The following IQCM variants were observed in gnomAD, a reference collection of about 807,000 sequenced individuals.
The protein encoded by IQCM is IQ domain-containing protein M.
In IQCM, 45 loss-of-function variants were observed where a neutral mutation model predicts 57.6. That is an observed-to-expected ratio of 0.78 (90% CI 0.62 to 1.00). The LOEUF (loss-of-function observed/expected upper bound fraction) is 1.00. Among genes scored for constraint, IQCM ranks in the 50% least tolerant of loss-of-function variants. The pLI, the probability that IQCM is intolerant of heterozygous loss-of-function variation, is 0.00. For synonymous variants in IQCM, 148 were observed against 158.9 expected, an observed-to-expected ratio of 0.93 and a Z score of 0.51; for missense variants, 468 against 511.6, an observed-to-expected ratio of 0.91 and a Z score of 0.82.
intron 3 of IQCM, among the ~76,000 whole-genome samples, chr4:149,741,408 G>A (rs1446510154): frequency 1.3e-5 from 2 of 152,164 alleles, no homozygotes; most frequent in Non-Finnish European, 2.9e-5. Flanking sequence ...GAGATGTAGG[G>A]AAATGCCAGG....
intron 2 of IQCM, among the ~76,000 whole-genome samples, chr4:149,809,734 TGA>T (rs1327708574): frequency 6.6e-6 from 1 of 152,176 alleles, no homozygotes; most frequent in Admixed American, 6.5e-5. Flanking sequence ...AAATGATGCA[TGA>T]GAGGCATTAC....
intron 5 of IQCM, among the ~76,000 whole-genome samples, chr4:149,721,200 T>C (rs1765420882): frequency 6.6e-6 from 1 of 152,174 alleles, no homozygotes; most frequent in South Asian, 2.1e-4. Context: ...CTGTATTAGG[T>C]ATCATAAGTA....
intron 9 of IQCM, among the ~76,000 whole-genome samples, chr4:149,573,092 T>G (rs1345300165): frequency 4.6e-5 from 7 of 151,948 alleles, no homozygotes; most frequent in Admixed American, 4.6e-4. Context: ...AGCCAATCAA[T>G]AGACAATTAT....
At chr4:149,435,064 G>A (rs1042058670) in intron 12 of IQCM, among the ~76,000 whole-genome samples, 36 of 152,136 alleles carry the variant, frequency 2.4e-4, no homozygotes, top group African/African-American at 8.7e-4. Flanking sequence ...CTTTCCTCAG[G>A]TGCTCTGCCT....
chr4:149,557,632 A>T (rs929272215), intron 10 of IQCM, among the ~76,000 whole-genome samples: 1 of 152,186 alleles, frequency 6.6e-6, no homozygotes, highest in African/African-American at 2.4e-5. Flanking sequence ...CACAGGAAGA[A>T]AAAACAATTA....
intron 12 of IQCM, among the ~76,000 whole-genome samples, chr4:149,540,097 G>A (rs866686176): frequency 6.6e-6 from 1 of 151,694 alleles, no homozygotes; most frequent in South Asian, 2.1e-4. Flanking sequence ...ACTTCAACAC[G>A]ACAGGAGTCC....
intron 7 of IQCM, among the ~76,000 whole-genome samples, chr4:149,634,215 G>A (rs147453522): frequency 0.015 from 2,244 of 152,064 alleles, 66 homozygotes; most frequent in African/African-American, 0.052. Context: ...TCACCATGTT[G>A]GCTAGCTGGT....
At chr4:149,633,838 G>A (rs1026623515) in intron 7 of IQCM, among the ~76,000 whole-genome samples, 17 of 152,008 alleles carry the variant, frequency 1.1e-4, no homozygotes, top group Admixed American at 2.0e-4. Context: ...CAAAAGTATG[G>A]GCAACTTTCA....
intron 8 of IQCM, among the ~76,000 whole-genome samples, chr4:149,616,407 G>A (rs1315784634): frequency 1.3e-5 from 2 of 152,118 alleles, no homozygotes; most frequent in Non-Finnish European, 2.9e-5. Flanking sequence ...ACAGAAAGTA[G>A]AATGGTGGTT....
In IQCM at chr4:149,588,002, A is replaced by T. The variant is rs543359330; in HGVS notation, c.682-5T>A. 8 of 1,208,178 alleles carry T rather than the reference A, an allele frequency of 6.6e-6. No individual in the cohort carries two copies. In the African/African-American group the frequency reaches 1.3e-4, roughly 19 times the overall value. 74.8% of individuals were successfully genotyped at this position (1,208,178 alleles called of 1,614,324 possible). A position where few individuals can be genotyped will look rare whatever the true frequency, so the allele number is the denominator to read the frequency against. On this transcript the variant is annotated splice_region_variant and splice_polypyrimidine_tract_variant and intron_variant, in intron 8 of 13. Transcript: ENST00000636793. ...AATAAGGGTTTTAAAGGTTTTCTAT[A>T]ATAAGGAAAAGAAGAGTTGACATAA...
At chr4:149,769,242 GTCC>G (rs553689325) in intron 2 of IQCM, among the ~76,000 whole-genome samples, 4 of 152,058 alleles carry the variant, frequency 2.6e-5, no homozygotes, top group African/African-American at 7.2e-5. Flanking sequence ...ATGAATTCAA[GTCC>G]TCCTGAACAC....
intron 12 of IQCM, among the ~76,000 whole-genome samples, chr4:149,480,069 A>C (rs1740613702): frequency 6.6e-6 from 1 of 152,172 alleles, no homozygotes; most frequent in African/African-American, 2.4e-5. Flanking sequence ...TGACATGTAA[A>C]ATGTTTTCTC....
At chr4:149,442,666 C>T in intron 12 of IQCM, among the ~76,000 whole-genome samples, 1 of 151,970 alleles carries the variant, frequency 6.6e-6, no homozygotes, top group East Asian at 1.9e-4. Context: ...TTTCTACTAA[C>T]AGTCTGTTTA....
intron 13 of IQCM, among the ~76,000 whole-genome samples, chr4:149,353,196 A>G (rs193200385): frequency 6.6e-4 from 100 of 152,342 alleles, no homozygotes; most frequent in Middle Eastern, 3.4e-3. Context: ...ACTCAACATC[A>G]TTAATCATCA....
At chr4:149,405,923 T>G (rs970696119) in intron 13 of IQCM, among the ~76,000 whole-genome samples, 7 of 147,886 alleles carry the variant, frequency 4.7e-5, no homozygotes, top group Non-Finnish European at 8.9e-5. Flanking sequence ...TCTCCATATA[T>G]GTAAATATAT....
intron 12 of IQCM, among the ~76,000 whole-genome samples, chr4:149,486,289 C>A (rs184255949): frequency 2.6e-5 from 4 of 152,194 alleles, no homozygotes; most frequent in Admixed American, 2.0e-4. Context: ...AGCTTGGAAT[C>A]AAAAACCTTA....
chr4:149,572,645 A>G (rs1446279332), intron 9 of IQCM, among the ~76,000 whole-genome samples: 1 of 152,030 alleles, frequency 6.6e-6, no homozygotes, highest in Non-Finnish European at 1.5e-5. Flanking sequence ...TATTTTTGTG[A>G]GAACCACACA....
intron 8 of IQCM, among the ~76,000 whole-genome samples, chr4:149,604,761 C>T (rs947029535): frequency 6.6e-6 from 1 of 152,054 alleles, no homozygotes; most frequent in Admixed American, 6.6e-5. Flanking sequence ...AGATGTTTGC[C>T]TTATTTGGCT....
At chr4:149,731,622 A>C (rs1207814069) in intron 5 of IQCM, among the ~76,000 whole-genome samples, 1 of 152,146 alleles carries the variant, frequency 6.6e-6, no homozygotes, top group African/African-American at 2.4e-5. Context: ...TTTTTCAAAA[A>C]CCAGTTAATT....
Sources: gnomAD v4.1 joint callset for allele counts (sites outside exome capture counted in the v4.1 genomes callset) on GRCh38, gnomAD v4.1.1 for gene constraint, MANE v1.5 for transcripts, NCBI Gene and HGNC (gene_info 2026-07-23, HGNC 2026-07-21) for gene names.